Variants in SIDT1 observed in about 807,000 individuals in gnomAD.
SIDT1 encodes SID1 transmembrane family member 1.
In SIDT1, 101 loss-of-function variants were observed where a neutral mutation model predicts 107.5. The observed-to-expected ratio is 0.94, with a 90% confidence interval of 0.80 to 1.11. The LOEUF (loss-of-function observed/expected upper bound fraction) is 1.11, where lower values mean the gene tolerates loss of function less well. Among genes scored for constraint, SIDT1 ranks in the 50% least tolerant of loss-of-function variants. The pLI, the probability that SIDT1 is intolerant of heterozygous loss-of-function variation, is 0.00. For missense variants in SIDT1, 1,076 were observed against 1,058.2 expected, an observed-to-expected ratio of 1.02 and a Z score of -0.23; for synonymous variants, 395 against 398.2, an observed-to-expected ratio of 0.99 and a Z score of 0.10.
chr3:113,616,328 T>C, intron 20 of SIDT1, 152 bp downstream of exon 20: 1 of 633,486 alleles, frequency 1.6e-6, no homozygotes, highest in South Asian at 1.8e-5. Context: ...AGAAGGAGCA[T>C]GGTGCTTATT....
At chr3:113,551,132 T>C (rs1200210621) in intron 1 of SIDT1, among the ~76,000 whole-genome samples, 2 of 152,324 alleles carry the variant, frequency 1.3e-5, no homozygotes, top group South Asian at 2.1e-4. Flanking sequence ...CCATGGTGCA[T>C]ATATACCACA....
rs1937626319 is a variant in SIDT1 at position 113,532,960 on chromosome 3, C to G, written c.-62C>G. Reference sequence around the variant, plus strand: ...CCCTGCACCGGGCTTTGGAAGGACCCTCTCTGCGCTCGCCCCCTCCCCAGG... The same window carrying G: ...CCCTGCACCGGGCTTTGGAAGGACCGTCTCTGCGCTCGCCCCCTCCCCAGG... On this transcript the variant is annotated 5_prime_UTR_variant, in exon 1 of 25. Coordinates refer to ENST00000264852, the MANE Select transcript of SIDT1 (RefSeq NM_017699.3). 1.7e-6 allele frequency: 2 copies of G among 1,156,444 alleles called. No homozygotes were observed. The highest frequency in any genetic ancestry group is 2.2e-6 in the Non-Finnish European group (2 of 895,362). The allele number at this position is 1,156,444 out of a possible 1,614,324, so 71.6% of individuals were successfully genotyped here. A position where few individuals can be genotyped will look rare whatever the true frequency, so the allele number is the denominator to read the frequency against.
intron 1 of SIDT1, among the ~76,000 whole-genome samples, chr3:113,556,315 G>A (rs1399311658): frequency 1.3e-5 from 2 of 152,192 alleles, no homozygotes; most frequent in African/African-American, 2.4e-5. Flanking sequence ...AGTGTAACTT[G>A]TGATGGAAGT....
chr3:113,568,462 C>A (rs565489295), intron 3 of SIDT1, among the ~76,000 whole-genome samples: 1 of 151,826 alleles, frequency 6.6e-6, no homozygotes, highest in Non-Finnish European at 1.5e-5. Flanking sequence ...GGCACGGTGG[C>A]GGGCACCTGT....
At position 113,584,290 on chromosome 3, in the gene SIDT1, T is replaced by C. The variant is rs114903490; in HGVS notation, c.836-408T>C. Among the ~76,000 whole-genome samples, 200 of 152,328 alleles carry C rather than the reference T, an allele frequency of 1.3e-3. 1 individual carries two copies. The highest frequency in any genetic ancestry group is 4.6e-3 in the African/African-American group (190 of 41,578). ...GGTAAACTACAAGCCCTTTCATGAC[T>C]ATATAAGAGGGAAAAATTTGCACTG... On this transcript the variant is annotated intron_variant, in intron 7 of 24. Coordinates refer to ENST00000264852, the MANE Select transcript of SIDT1 (RefSeq NM_017699.3).
chr3:113,604,142 A>C, intron 13 of SIDT1, 109 bp downstream of exon 13: 3 of 692,364 alleles, frequency 4.3e-6, no homozygotes, highest in Admixed American at 5.6e-5. Flanking sequence ...AGGCACAGGC[A>C]TAGGGAATGA....
intron 10 of SIDT1, among the ~76,000 whole-genome samples, chr3:113,598,025 G>A (rs1012408682): frequency 1.1e-4 from 17 of 152,142 alleles, no homozygotes; most frequent in African/African-American, 3.9e-4. Context: ...ATCCCATGTT[G>A]GCCAATCTCA....
chr3:113,633,725 C>T (rs1198400890), downstream of SIDT1, among the ~76,000 whole-genome samples: 2 of 152,112 alleles, frequency 1.3e-5, no homozygotes, highest in South Asian at 4.1e-4. Flanking sequence ...ACAGATGATG[C>T]GTGGAGCCTG....
chr3:113,599,591 G>T (rs2107648717), intron 10 of SIDT1, among the ~76,000 whole-genome samples: 1 of 152,314 alleles, frequency 6.6e-6, no homozygotes, highest in South Asian at 2.1e-4. Flanking sequence ...GCCTTCCATG[G>T]ATAAACATGG....
At chr3:113,607,206 CTG>C (rs1253245057) in intron 15 of SIDT1, 92 bp downstream of exon 15, 2 of 799,838 alleles carry the variant, frequency 2.5e-6, no homozygotes, top group Non-Finnish European at 4.2e-6. Flanking sequence ...CTAAAAACAA[CTG>C]TGGAAAACGA....
chr3:113,635,313 T>C, the SIDT1 span, among the ~76,000 whole-genome samples: 1 of 152,090 alleles, frequency 6.6e-6, no homozygotes, highest in Non-Finnish European at 1.5e-5. Context: ...CTGGACAACA[T>C]AGCAAGATCC....
chr3:113,624,835 G>A (rs1414418725), intron 23 of SIDT1, among the ~76,000 whole-genome samples: 1 of 152,126 alleles, frequency 6.6e-6, no homozygotes, highest in Non-Finnish European at 1.5e-5. Flanking sequence ...TAATGGCCTC[G>A]AGTTCCATAC....
intron 3 of SIDT1, among the ~76,000 whole-genome samples, chr3:113,571,379 T>A (rs139845865): frequency 7.2e-5 from 11 of 152,322 alleles, no homozygotes; most frequent in African/African-American, 2.6e-4. Context: ...ATTGTGCCAC[T>A]GCACTCTAGG....
intron 21 of SIDT1, among the ~76,000 whole-genome samples, chr3:113,621,281 A>T (rs1365295117): frequency 6.6e-6 from 1 of 152,160 alleles, no homozygotes; most frequent in Non-Finnish European, 1.5e-5. Context: ...ATCTGGGAGA[A>T]GAAAATTTTC....
At position 113,566,429 on chromosome 3, in the gene SIDT1, G is replaced by C. The variant is rs2271496; in HGVS notation, c.232G>C (p.Val78Leu). ...YTSQPDQVTA[V>L]RVYVNSSSEN... Reference sequence around the variant, plus strand: ...CTACCCTGCCATGCAGGTGACAGCCGTGAGGGTGTATGTGAACAGTTCCTC... The same window carrying C: ...CTACCCTGCCATGCAGGTGACAGCCCTGAGGGTGTATGTGAACAGTTCCTC... The change falls in exon 2 of 25, where the codon GTG becomes CTG. Residue 78 changes from valine (V) to leucine (L), a missense_variant. Coordinates refer to ENST00000264852, the MANE Select transcript of SIDT1 (RefSeq NM_017699.3). The C allele has an allele frequency of 3.7e-6, 6 of 1,613,856 alleles. No homozygotes were observed. The South Asian group carries it at 6.6e-5, about 18-fold the overall frequency.
intron 1 of SIDT1, among the ~76,000 whole-genome samples, chr3:113,564,996 T>A (rs80313963): frequency 0.027 from 4,110 of 152,294 alleles, 92 homozygotes; most frequent in East Asian, 0.09. Context: ...ATATATGACA[T>A]CTATGCTATT....
intron 9 of SIDT1, among the ~76,000 whole-genome samples, chr3:113,586,183 A>T (rs1420694484): frequency 1.3e-5 from 2 of 152,208 alleles, no homozygotes; most frequent in Non-Finnish European, 2.9e-5. Flanking sequence ...GAGTTCAGAT[A>T]TTGCCTTCAA....
intron 3 of SIDT1, 40 bp downstream of exon 3, chr3:113,567,750 G>A (rs1202944697): frequency 6.3e-7 from 1 of 1,592,604 alleles, no homozygotes; most frequent in African/African-American, 1.3e-5. Flanking sequence ...TGTGTTTCCT[G>A]TGCTTGTGGA....
intron 23 of SIDT1, 67 bp from the exon 24 acceptor site, chr3:113,626,035 G>A: frequency 9.1e-7 from 1 of 1,097,004 alleles, no homozygotes; most frequent in Non-Finnish European, 1.4e-6. Context: ...TGGCTTTCTG[G>A]ACGTTCAACT....
Sources: gnomAD v4.1 joint callset for allele counts (sites outside exome capture counted in the v4.1 genomes callset) on GRCh38, gnomAD v4.1.1 for gene constraint, MANE v1.5 for transcripts, NCBI Gene and HGNC (gene_info 2026-07-23, HGNC 2026-07-21) for gene names.